Variants in NALF1 observed in about 807,000 individuals in gnomAD.
The protein encoded by NALF1 is family with sequence similarity 155 member A.
Under a neutral mutation model 48.4 loss-of-function variants are expected in NALF1, and 3 were observed. The ratio of observed to expected loss-of-function variants is 0.06; its 90% confidence interval spans 0.03 to 0.16. The LOEUF (loss-of-function observed/expected upper bound fraction) is 0.16, where lower values mean the gene tolerates loss of function less well. NALF1 is among the 10% of genes least tolerant of loss of function. NALF1 has a pLI of 1.00. For synonymous variants in NALF1, 262 were observed against 245.7 expected (o/e 1.07, Z -0.62); for missense variants, 526 against 571.5 (o/e 0.92, Z 0.81).
intron 1 of NALF1, among the ~76,000 whole-genome samples, chr13:107,777,277 A>C (rs999733810): frequency 2.6e-5 from 4 of 152,154 alleles, no homozygotes; most frequent in Non-Finnish European, 5.9e-5. Context: ...TTTGCCCCAA[A>C]CAGACAACTA....
At chr13:107,710,010 G>A (rs1044798660) in intron 1 of NALF1, among the ~76,000 whole-genome samples, 3 of 152,100 alleles carry the variant, frequency 2.0e-5, no homozygotes, top group Non-Finnish European at 2.9e-5. Context: ...CCAGCTACTG[G>A]GGAGGATGAG....
intron 2 of NALF1, among the ~76,000 whole-genome samples, chr13:107,182,834 T>G (rs1486878955): frequency 6.6e-6 from 1 of 152,222 alleles, no homozygotes; most frequent in Non-Finnish European, 1.5e-5. Context: ...CCATTTTGTT[T>G]TATTTCTGTC....
chr13:107,828,642 CACACAA>C (rs756865020), intron 1 of NALF1, among the ~76,000 whole-genome samples: 1 of 147,272 alleles, frequency 6.8e-6, no homozygotes, highest in South Asian at 2.1e-4. Flanking sequence ...CACACACACA[CACACAA>C]ATCTCCCACA....
At chr13:107,535,401 A>AT (rs1318422314) in intron 1 of NALF1, among the ~76,000 whole-genome samples, 1 of 152,010 alleles carries the variant, frequency 6.6e-6, no homozygotes, top group Non-Finnish European at 1.5e-5. Flanking sequence ...GGGCTGTTGA[A>AT]TTTTTTCAAA....
chr13:107,800,715 TATAAG>T (rs1198918056), intron 1 of NALF1, among the ~76,000 whole-genome samples: 1 of 147,618 alleles, frequency 6.8e-6, no homozygotes, highest in African/African-American at 2.5e-5. Context: ...ATATAATACA[TATAAG>T]ATGTTATAAT....
At chr13:107,460,233 C>G (rs1472667287) in intron 1 of NALF1, among the ~76,000 whole-genome samples, 1 of 152,188 alleles carries the variant, frequency 6.6e-6, no homozygotes, top group Admixed American at 6.5e-5. Flanking sequence ...GCCCAGACAC[C>G]TCTAGGGATT....
At chr13:107,564,849 G>A (rs1334937509) in intron 1 of NALF1, among the ~76,000 whole-genome samples, 1 of 151,974 alleles carries the variant, frequency 6.6e-6, no homozygotes, top group African/African-American at 2.4e-5. Flanking sequence ...TCCGGTCTAA[G>A]AGCCATTAGG....
At chr13:107,276,197 A>G (rs950732374) in intron 1 of NALF1, among the ~76,000 whole-genome samples, 1 of 152,202 alleles carries the variant, frequency 6.6e-6, no homozygotes, top group African/African-American at 2.4e-5. Flanking sequence ...TGAGGAGATC[A>G]ATACCACAAG....
At chr13:107,201,508 G>C (rs1309475195) in intron 2 of NALF1, among the ~76,000 whole-genome samples, 2 of 151,980 alleles carry the variant, frequency 1.3e-5, no homozygotes, top group African/African-American at 2.4e-5. Context: ...ACCCGCGAGG[G>C]GGAGCTTCCA....
At chr13:107,227,706 C>G (rs924493193) in intron 1 of NALF1, among the ~76,000 whole-genome samples, 1 of 152,114 alleles carries the variant, frequency 6.6e-6, no homozygotes, top group Non-Finnish European at 1.5e-5. Context: ...AAGAACATAC[C>G]TGAAGAGGTA....
intron 1 of NALF1, among the ~76,000 whole-genome samples, chr13:107,308,135 ACCCAGGAAAT>A (rs909493949): frequency 1.3e-5 from 2 of 148,736 alleles, no homozygotes; most frequent in Non-Finnish European, 3.0e-5. Context: ...ATTATTTTTT[ACCCAGGAAAT>A]CACTGGAAAT....
intron 1 of NALF1, among the ~76,000 whole-genome samples, chr13:107,379,477 C>A (rs112809322): frequency 3.9e-5 from 6 of 152,290 alleles, no homozygotes; most frequent in African/African-American, 1.4e-4. Flanking sequence ...TGAGAGTTCA[C>A]AGCAAGCTAT....
intron 1 of NALF1, among the ~76,000 whole-genome samples, chr13:107,793,081 G>A (rs1878300978): frequency 6.6e-6 from 1 of 152,096 alleles, no homozygotes. Flanking sequence ...TATTTGGTAA[G>A]ATCCAAAGTA....
intron 1 of NALF1, among the ~76,000 whole-genome samples, chr13:107,617,739 GT>G (rs762030589): frequency 5.1e-4 from 77 of 152,256 alleles, no homozygotes; most frequent in Non-Finnish European, 7.1e-4. Context: ...TAAATCACTT[GT>G]TTCAGGAGTG....
At chr13:107,726,518 T>C (rs547661809) in intron 1 of NALF1, among the ~76,000 whole-genome samples, 1 of 152,194 alleles carries the variant, frequency 6.6e-6, no homozygotes, top group Non-Finnish European at 1.5e-5. Flanking sequence ...AGAAAGGCTC[T>C]TGCCCTCATG....
At chr13:107,740,525 A>G (rs533929068) in intron 1 of NALF1, among the ~76,000 whole-genome samples, 83 of 152,344 alleles carry the variant, frequency 5.4e-4, no homozygotes, top group Middle Eastern at 3.4e-3. Context: ...CATAGCATCT[A>G]TTATTAGATT....
intron 1 of NALF1, among the ~76,000 whole-genome samples, chr13:107,560,349 C>G (rs1345947978): frequency 6.6e-6 from 1 of 151,824 alleles, no homozygotes; most frequent in Non-Finnish European, 1.5e-5. Flanking sequence ...AATGATAAAC[C>G]ACTGAATTGA....
chr13:107,808,922 T>G, intron 1 of NALF1, among the ~76,000 whole-genome samples: 1 of 152,070 alleles, frequency 6.6e-6, no homozygotes, highest in East Asian at 1.9e-4. Flanking sequence ...AAGTTACTAA[T>G]AGGCCTGTGA....
chr13:107,598,803 G>T (rs1878832060), intron 1 of NALF1, among the ~76,000 whole-genome samples: 1 of 151,984 alleles, frequency 6.6e-6, no homozygotes, highest in Non-Finnish European at 1.5e-5. Context: ...CTTACCTGAG[G>T]CAGTGGCCTT....
Sources: gnomAD v4.1 joint callset for allele counts (sites outside exome capture counted in the v4.1 genomes callset) on GRCh38, gnomAD v4.1.1 for gene constraint, MANE v1.5 for transcripts, NCBI Gene and HGNC (gene_info 2026-07-23, HGNC 2026-07-21) for gene names.